The following PPM1L variants were observed in gnomAD, a reference collection of about 807,000 sequenced individuals.
PPM1L encodes protein phosphatase 1L.
Under a neutral mutation model 31.4 loss-of-function variants are expected in PPM1L, and 13 were observed. The observed-to-expected ratio is 0.41, with a 90% confidence interval of 0.27 to 0.66. PPM1L has a LOEUF of 0.66. Ranked by LOEUF, PPM1L falls within the 30% of genes least tolerant of loss-of-function variation. The pLI, the probability that PPM1L is intolerant of heterozygous loss-of-function variation, is 0.29. For missense variants in PPM1L, 326 were observed against 453.7 expected, an observed-to-expected ratio of 0.72 and a Z score of 2.56; for synonymous variants, 184 against 175.4, an observed-to-expected ratio of 1.05 and a Z score of -0.39.
intron 2 of PPM1L, among the ~76,000 whole-genome samples, chr3:161,023,433 T>C (rs964794993): frequency 6.6e-6 from 1 of 152,164 alleles, no homozygotes; most frequent in Non-Finnish European, 1.5e-5. Context: ...AAATTCTTTT[T>C]TCTATCTATT....
At chr3:160,781,724 C>T (rs1350449917) in intron 1 of PPM1L, among the ~76,000 whole-genome samples, 2 of 152,174 alleles carry the variant, frequency 1.3e-5, no homozygotes, top group Non-Finnish European at 1.5e-5. Flanking sequence ...ATTTAGAAAA[C>T]CAGTGGTAAT....
chr3:160,945,944 C>T (rs1299908882), intron 1 of PPM1L, among the ~76,000 whole-genome samples: 3 of 152,088 alleles, frequency 2.0e-5, no homozygotes, highest in African/African-American at 4.8e-5. Flanking sequence ...ATATACCATA[C>T]AAAATATGTA....
At chr3:160,947,948 T>A (rs1323341390) in intron 1 of PPM1L, among the ~76,000 whole-genome samples, 5 of 152,112 alleles carry the variant, frequency 3.3e-5, no homozygotes, top group African/African-American at 7.2e-5. Context: ...GCTCAACACC[T>A]AACCACCCAA....
intron 1 of PPM1L, chr3:160,882,249 C>T (rs1427786303): frequency 6.6e-6 from 1 of 152,162 alleles, no homozygotes; most frequent in East Asian, 1.9e-4. Flanking sequence ...CAGACATCAT[C>T]CTAGAGGACA....
chr3:161,003,449 T>C lies in PPM1L; in HGVS notation c.574+41539T>C, dbSNP rs866870418. ...TTGGGCAGTATAGCCATTTTCACGA[T>C]ATTGATTCTTCCTACCCATGAGCAT... On this transcript the variant is annotated intron_variant, in intron 2 of 3. Transcript: ENST00000498165. 1.6e-3 allele frequency among the ~76,000 whole-genome samples: 239 copies of C among 151,878 alleles called. 1 individual carries two copies. The highest frequency in any genetic ancestry group is 6.8e-3 in the Middle Eastern group (2 of 294).
chr3:160,950,698 C>T (rs1414179734), intron 1 of PPM1L, among the ~76,000 whole-genome samples: 2 of 152,186 alleles, frequency 1.3e-5, no homozygotes. Flanking sequence ...TGGTTGCCGG[C>T]CAAAGAACAG....
At chr3:160,880,889 A>G (rs1476571887) in intron 1 of PPM1L, among the ~76,000 whole-genome samples, 1 of 152,160 alleles carries the variant, frequency 6.6e-6, no homozygotes, top group Non-Finnish European at 1.5e-5. Context: ...AGTGATACAC[A>G]TTCAACCCTC....
intron 1 of PPM1L, among the ~76,000 whole-genome samples, chr3:160,927,113 CT>C (rs1714621461): frequency 6.6e-6 from 1 of 152,086 alleles, no homozygotes; most frequent in South Asian, 2.1e-4. Context: ...TTTTCTGCAC[CT>C]TTACCTTTGC....
intron 2 of PPM1L, among the ~76,000 whole-genome samples, chr3:160,999,897 A>G (rs1049067641): frequency 2.0e-5 from 3 of 152,242 alleles, no homozygotes; most frequent in African/African-American, 7.2e-5. Flanking sequence ...AAGAGACAGT[A>G]TGCATACAAC....
At position 161,070,471 on chromosome 3, in the gene PPM1L, T is replaced by G. The variant is rs1719872676; in HGVS notation, c.*1314T>G. 6.6e-6 allele frequency: 1 copy of G among 152,208 alleles called. No homozygotes were observed. The highest frequency in any genetic ancestry group is 1.5e-5 in the Non-Finnish European group (1 of 68,046). The allele number at this position is 152,208 out of a possible 1,614,324, so 9.4% of individuals were successfully genotyped here. On this transcript the variant is annotated 3_prime_UTR_variant, in exon 4 of 4. Coordinates refer to ENST00000498165, the MANE Select transcript of PPM1L (RefSeq NM_139245.4). Reference sequence around the variant, plus strand: ...CAGTTGCAACACAGTAAGTCAGGAATTCAAGCGTGAACCCATATTGATAAG... The same window carrying G: ...CAGTTGCAACACAGTAAGTCAGGAAGTCAAGCGTGAACCCATATTGATAAG...
At chr3:160,757,119 G>T (rs756979684) in intron 1 of PPM1L, among the ~76,000 whole-genome samples, 1 of 152,292 alleles carries the variant, frequency 6.6e-6, no homozygotes. Context: ...CACAGAGAAG[G>T]AAGACAATAT....
intron 1 of PPM1L, among the ~76,000 whole-genome samples, chr3:160,759,941 G>A (rs1382422468): frequency 1.3e-5 from 2 of 152,186 alleles, no homozygotes; most frequent in African/African-American, 2.4e-5. Flanking sequence ...ATTATACCCT[G>A]TCTAGAGAAG....
chr3:160,984,211 C>T (rs931628869), intron 2 of PPM1L, among the ~76,000 whole-genome samples: 5 of 152,188 alleles, frequency 3.3e-5, no homozygotes, highest in Admixed American at 6.5e-5. Flanking sequence ...ACTCCCAGAG[C>T]GGCCATTTCA....
At chr3:160,967,777 A>G (rs1397311503) in intron 2 of PPM1L, among the ~76,000 whole-genome samples, 2 of 152,056 alleles carry the variant, frequency 1.3e-5, no homozygotes, top group African/African-American at 4.8e-5. Flanking sequence ...AAAGATCCAG[A>G]TTCTATTTCT....
chr3:160,830,119 T>C (rs1713479597), intron 1 of PPM1L, among the ~76,000 whole-genome samples: 2 of 152,206 alleles, frequency 1.3e-5, no homozygotes, highest in African/African-American at 4.8e-5. Flanking sequence ...AGACATTTCT[T>C]TGGGTGTAGT....
intron 1 of PPM1L, among the ~76,000 whole-genome samples, chr3:160,921,904 G>A (rs1157961835): frequency 6.6e-6 from 1 of 152,148 alleles, no homozygotes; most frequent in East Asian, 1.9e-4. Flanking sequence ...GAGACCCAGA[G>A]CACTTTGTCT....
chr3:160,776,582 T>A (rs1238801100), intron 1 of PPM1L, among the ~76,000 whole-genome samples: 1 of 150,580 alleles, frequency 6.6e-6, no homozygotes, highest in Non-Finnish European at 1.5e-5. Context: ...TATACTGCAC[T>A]ACCTTGGTAC....
chr3:160,972,534 A>G (rs1293241717), intron 2 of PPM1L, among the ~76,000 whole-genome samples: 1 of 152,046 alleles, frequency 6.6e-6, no homozygotes, highest in Non-Finnish European at 1.5e-5. Context: ...TGAACTCATC[A>G]TTTTTTATGG....
chr3:160,985,084 T>G (rs1274935508), intron 2 of PPM1L, among the ~76,000 whole-genome samples: 1 of 152,222 alleles, frequency 6.6e-6, no homozygotes, highest in Non-Finnish European at 1.5e-5. Flanking sequence ...TAAAGTCACC[T>G]TGGGAGGCTA....
Sources: gnomAD v4.1 joint callset for allele counts (sites outside exome capture counted in the v4.1 genomes callset) on GRCh38, gnomAD v4.1.1 for gene constraint, MANE v1.5 for transcripts, NCBI Gene and HGNC (gene_info 2026-07-23, HGNC 2026-07-21) for gene names.